The following PHYHIPL variants were observed in gnomAD, a reference collection of about 807,000 sequenced individuals.
PHYHIPL encodes phytanoyl-CoA 2-hydroxylase interacting protein like.
Under a neutral mutation model 33.4 loss-of-function variants are expected in PHYHIPL, and 9 were observed. The observed-to-expected ratio is 0.27, with a 90% CI of 0.16 to 0.47. PHYHIPL has a LOEUF of 0.47. Among genes scored for constraint, PHYHIPL ranks in the 20% least tolerant of loss-of-function variants. The probability of loss-of-function intolerance (pLI) is 0.99; values close to 1 mark genes in which losing one functional copy is unlikely to be tolerated. For synonymous variants in PHYHIPL, 153 were observed against 154.1 expected, an observed-to-expected ratio of 0.99 and a Z score of 0.05; for missense variants, 365 against 460.7, an observed-to-expected ratio of 0.79 and a Z score of 1.90.
intron 1 of PHYHIPL, among the ~76,000 whole-genome samples, chr10:59,179,794 T>G (rs963816374): frequency 5.3e-5 from 8 of 151,056 alleles, no homozygotes; most frequent in Non-Finnish European, 7.4e-5. Flanking sequence ...GAATATGGGT[T>G]AGAGTCCACA....
chr10:59,192,498 G>A (rs1260640029), intron 1 of PHYHIPL, among the ~76,000 whole-genome samples: 2 of 152,052 alleles, frequency 1.3e-5, no homozygotes, highest in Non-Finnish European at 2.9e-5. Context: ...GCTTTTGGTA[G>A]CATGACCAAA....
intron 1 of PHYHIPL, among the ~76,000 whole-genome samples, chr10:59,186,398 A>T (rs1170342220): frequency 6.6e-6 from 1 of 152,120 alleles, no homozygotes; most frequent in Non-Finnish European, 1.5e-5. Flanking sequence ...GTCAGGTAGC[A>T]TGATGCCTCC....
At chr10:59,210,672 G>A (rs1031594323) in intron 1 of PHYHIPL, among the ~76,000 whole-genome samples, 49 of 152,138 alleles carry the variant, frequency 3.2e-4, no homozygotes, top group African/African-American at 1.0e-3. Flanking sequence ...AGTTGGAACC[G>A]ACCCAAATGC....
chr10:59,179,825 C>T (rs917825851), intron 1 of PHYHIPL, among the ~76,000 whole-genome samples: 1 of 145,708 alleles, frequency 6.9e-6, no homozygotes, highest in Non-Finnish European at 1.5e-5. Flanking sequence ...ATTGGCTTTT[C>T]AATTAAGCAA....
At chr10:59,183,725 T>C in intron 1 of PHYHIPL, 1 of 969,710 alleles carries the variant, frequency 1.0e-6, no homozygotes, top group Non-Finnish European at 1.2e-6. Flanking sequence ...GTTTTGTTTG[T>C]TATGTTATGA....
intron 1 of PHYHIPL, among the ~76,000 whole-genome samples, chr10:59,197,830 T>C (rs1447181166): frequency 6.6e-6 from 1 of 152,210 alleles, no homozygotes. Context: ...CCAAACTATT[T>C]TGTGCTCCTC....
Position 59,246,818 on chromosome 10 carries a change from A to G in PHYHIPL, c.*1227A>G. 2 of 388,898 alleles carry G rather than the reference A, an allele frequency of 5.1e-6. No individual in the cohort carries two copies. The highest frequency in any genetic ancestry group is 9.1e-6 in the Non-Finnish European group (2 of 219,956). 24.1% of individuals were successfully genotyped at this position (388,898 alleles called of 1,614,324 possible). A position where few individuals can be genotyped will look rare whatever the true frequency, so the allele number is the denominator to read the frequency against. ...TCATCTTATAGTAAACCAAAAGATT[A>G]GCAATAATACTATGGACACATTAGA... is the stretch of plus-strand genomic sequence containing the variant. On this transcript the variant is annotated 3_prime_UTR_variant, in exon 5 of 5. Transcript: ENST00000373880.
At chr10:59,230,212 CTT>C (rs71006238) in intron 1 of PHYHIPL, among the ~76,000 whole-genome samples, 9 of 123,352 alleles carry the variant, frequency 7.3e-5, no homozygotes, top group Admixed American at 1.8e-4. Flanking sequence ...AAATTGCTTT[CTT>C]TTTTTTTTTT....
At chr10:59,230,986 A>G (rs1270104392) in intron 1 of PHYHIPL, among the ~76,000 whole-genome samples, 1 of 152,196 alleles carries the variant, frequency 6.6e-6, no homozygotes, top group Non-Finnish European at 1.5e-5. Context: ...GAGAGAATAG[A>G]TTATAAATGT....
chr10:59,201,775 T>C (rs1839126045), intron 1 of PHYHIPL, among the ~76,000 whole-genome samples: 1 of 152,208 alleles, frequency 6.6e-6, no homozygotes, highest in Admixed American at 6.6e-5. Flanking sequence ...TGATTTATCA[T>C]AATTATGAAT....
intron 1 of PHYHIPL, among the ~76,000 whole-genome samples, chr10:59,218,626 G>T (rs1297105816): frequency 5.9e-5 from 9 of 152,016 alleles, no homozygotes; most frequent in African/African-American, 1.7e-4. Flanking sequence ...TACCTTCAAA[G>T]AATAGGTTAA....
intron 1 of PHYHIPL, among the ~76,000 whole-genome samples, chr10:59,180,289 T>C (rs1257305764): frequency 3.2e-5 from 4 of 123,414 alleles, no homozygotes; most frequent in South Asian, 5.4e-4. Flanking sequence ...TACACACACA[T>C]ATATAATATA....
chr10:59,185,076 C>A, intron 1 of PHYHIPL, among the ~76,000 whole-genome samples: 1 of 149,458 alleles, frequency 6.7e-6, no homozygotes, highest in African/African-American at 2.5e-5. Flanking sequence ...CTGCAAGCTC[C>A]GCCTCCCAGG....
intron 1 of PHYHIPL, among the ~76,000 whole-genome samples, chr10:59,229,378 T>C (rs1840013373): frequency 6.6e-6 from 1 of 152,184 alleles, no homozygotes; most frequent in Non-Finnish European, 1.5e-5. Context: ...GAATGATTTC[T>C]ATTGTGTAAT....
chr10:59,217,539 G>T (rs557308489), intron 1 of PHYHIPL, among the ~76,000 whole-genome samples: 1 of 151,550 alleles, frequency 6.6e-6, no homozygotes, highest in Non-Finnish European at 1.5e-5. Flanking sequence ...TGTTTTAGCT[G>T]CTTCTCTGTA....
intron 1 of PHYHIPL, among the ~76,000 whole-genome samples, chr10:59,199,377 T>C (rs1398506401): frequency 1.3e-5 from 2 of 152,076 alleles, no homozygotes; most frequent in Admixed American, 6.6e-5. Flanking sequence ...AGATGTGTGG[T>C]ATTATTTCTG....
At position 59,215,044 on chromosome 10, in the gene PHYHIPL, A is replaced by G. The variant is rs543237737; in HGVS notation, c.107-19260A>G. 2.3e-4 allele frequency among the ~76,000 whole-genome samples: 35 copies of G among 152,158 alleles called. 2 individuals carry two copies. The South Asian group carries it at 7.0e-3, about 31-fold the overall frequency. ...TCACATTACACTCCTTTGCCTTTTT[A>G]AATATTATGCATTGTCTTCAGAATG... is the stretch of plus-strand genomic sequence containing the variant. On this transcript the variant is annotated intron_variant, in intron 1 of 4. Coordinates refer to ENST00000373880, the MANE Select transcript of PHYHIPL (RefSeq NM_032439.4).
intron 1 of PHYHIPL, among the ~76,000 whole-genome samples, chr10:59,202,717 T>C (rs1307107643): frequency 6.6e-6 from 1 of 152,234 alleles, no homozygotes; most frequent in East Asian, 1.9e-4. Context: ...GTTGTGAATA[T>C]GTGGGATTAT....
At chr10:59,213,187 C>T (rs1839514969) in intron 1 of PHYHIPL, among the ~76,000 whole-genome samples, 1 of 151,988 alleles carries the variant, frequency 6.6e-6, no homozygotes, top group Non-Finnish European at 1.5e-5. Flanking sequence ...AATCTAATCT[C>T]ATTTTCTCCA....
Sources: gnomAD v4.1 joint callset for allele counts (sites outside exome capture counted in the v4.1 genomes callset) on GRCh38, gnomAD v4.1.1 for gene constraint, MANE v1.5 for transcripts, NCBI Gene and HGNC (gene_info 2026-07-23, HGNC 2026-07-21) for gene names.